LCAT: variants seen among roughly 807,000 people sequenced by gnomAD.
LCAT encodes the protein phosphatidylcholine-sterol acyltransferase.
In LCAT, 15 loss-of-function variants were observed where a neutral mutation model predicts 41.0. The observed-to-expected ratio is 0.37, with a 90% confidence interval of 0.24 to 0.56. The LOEUF (loss-of-function observed/expected upper bound fraction) is 0.56, where lower values mean the gene tolerates loss of function less well. LCAT is among the 20% of genes least tolerant of loss of function. The pLI is 0.81. For missense variants in LCAT, 449 were observed against 595.1 expected, an observed-to-expected ratio of 0.75 and a Z score of 2.55; for synonymous variants, 248 against 245.4, an observed-to-expected ratio of 1.01 and a Z score of -0.10.
At position 67,939,979 on chromosome 16, in the gene LCAT, G is replaced by A. The variant is rs1469855048; in HGVS notation, c.1248C>T (p.Ala416=). Residue 416 remains alanine (A), a synonymous_variant, in exon 6 of 6, where the codon GCC becomes GCT. Coordinates refer to ENST00000264005, the MANE Select transcript of LCAT (RefSeq NM_000229.2). The part of the protein sequence containing the change: ...FSNLTLEHIN[A]ILLGAYRQGP... ...CCTGGCGGTAGGCACCCAGCAGGAT[G>A]GCATTGATGTGCTCCAGGGTCAGGT... 1.2e-6 allele frequency: 2 copies of A among 1,613,612 alleles called. No homozygotes were observed. The highest frequency in any genetic ancestry group is 8.5e-7 in the Non-Finnish European group (1 of 1,180,040).
In LCAT at chr16:67,943,814, C is replaced by A; in HGVS notation, c.154+134G>T. 1 of 842,762 alleles carries A rather than the reference C, an allele frequency of 1.2e-6. No homozygotes were observed. The allele number at this position is 842,762 out of a possible 1,614,324, so 52.2% of individuals were successfully genotyped here. A position where few individuals can be genotyped will look rare whatever the true frequency, so the allele number is the denominator to read the frequency against. On this transcript the variant is annotated intron_variant, in intron 1 of 5. Transcript: ENST00000264005. The surrounding 1 kb of genome is among the most constrained non-coding windows in gnomAD (Gnocchi z 4.6). ...TCTAAGGGACAAGCTTTTGGCCCCTCCCCACACCAGGGCAGGTACTTATGT... is the reference window on the plus strand; with the variant it reads ...TCTAAGGGACAAGCTTTTGGCCCCTACCCACACCAGGGCAGGTACTTATGT...
Position 67,943,794 on chromosome 16 carries a change from G to C in LCAT, c.154+154C>G, listed in dbSNP as rs1861683817. 1.1e-5 allele frequency: 8 copies of C among 703,334 alleles called. No individual in the cohort carries two copies. Among genetic ancestry groups the C allele is most frequent in the Non-Finnish European group, 1.9e-5 (8 of 428,198 alleles). The allele number at this position is 703,334 out of a possible 1,614,324, so 43.6% of individuals were successfully genotyped here. A position where few individuals can be genotyped will look rare whatever the true frequency, so the allele number is the denominator to read the frequency against. On this transcript the variant is annotated intron_variant, in intron 1 of 5. Transcript: ENST00000264005. This position sits in a 1 kb window ranked among gnomAD's most constrained non-coding sequence, Gnocchi z 4.6. ...GGGAGAAGGGACGTCATTCCTCTAA[G>C]GGACAAGCTTTTGGCCCCTCCCCAC...
chr16:67,942,484 T>C lies in LCAT; in HGVS notation c.627A>G (p.Leu209=), dbSNP rs773180994. The C allele has an allele frequency of 5.8e-5, 93 of 1,613,616 alleles. No individual in the cohort carries two copies. The highest frequency in any genetic ancestry group is 7.6e-5 in the Non-Finnish European group (90 of 1,180,000). ...VFLIGHSLGC[L]HLLYFLLRQP... ...GGCGCAGCAGGAAATAGAGCAAGTG[T>C]AGACAGCCGAGGCTGTGGCCAATGA... Residue 209 remains leucine (L), a synonymous_variant, in exon 5 of 6, where the codon CTA becomes CTG. Transcript: ENST00000264005. The surrounding 1 kb of genome is among the most constrained non-coding windows in gnomAD (Gnocchi z 6.6).
In LCAT at chr16:67,943,915, G is replaced by T. The variant is rs1417185126; in HGVS notation, c.154+33C>A. The T allele has an allele frequency of 1.3e-6, 2 of 1,526,864 alleles. No individual in the cohort carries two copies. Among genetic ancestry groups the T allele is most frequent in the African/African-American group, 2.7e-5 (2 of 72,774 alleles). The allele number at this position is 1,526,864 out of a possible 1,614,324, so 94.6% of individuals were successfully genotyped here. ...TGGGGCCCAGGCTCCCCAGGGTCTGGCGTGGTGCATCAGGGGCCTGGTGGG... is the reference window on the plus strand; with the variant it reads ...TGGGGCCCAGGCTCCCCAGGGTCTGTCGTGGTGCATCAGGGGCCTGGTGGG... On this transcript the variant is annotated intron_variant, in intron 1 of 5. Transcript: ENST00000264005. This position sits in a 1 kb window ranked among gnomAD's most constrained non-coding sequence, Gnocchi z 4.6.
At position 67,942,053 on chromosome 16, in the gene LCAT, G is replaced by A. The variant is rs4783549; in HGVS notation, c.748+310C>T. 19 of 1,283,020 alleles carry A rather than the reference G, an allele frequency of 1.5e-5. No individual in the cohort carries two copies. The highest frequency in any genetic ancestry group is 6.4e-4 in the Middle Eastern group (2 of 3,108). 79.5% of individuals were successfully genotyped at this position (1,283,020 alleles called of 1,614,324 possible). A position where few individuals can be genotyped will look rare whatever the true frequency, so the allele number is the denominator to read the frequency against. On this transcript the variant is annotated intron_variant, in intron 5 of 5. Coordinates refer to ENST00000264005, the MANE Select transcript of LCAT (RefSeq NM_000229.2). The surrounding 1 kb of genome is among the most constrained non-coding windows in gnomAD (Gnocchi z 6.6). ...TGGGCAAAGGCACTCCTGCGAGCAA[G>A]TGGAAGGCAGGCAAGGGCTGGGCAG...
rs1416505047 is a variant in LCAT, at chr16:67,942,803, T to C, written c.428-37A>G. ...CCAGCAGCACCGGGGGCTTGGGCCA[T>C]GCCTGCTGTGGGCCAGCACCCAGGC... On this transcript the variant is annotated intron_variant, in intron 3 of 5. Transcript: ENST00000264005. The surrounding 1 kb of genome is among the most constrained non-coding windows in gnomAD (Gnocchi z 6.6). The C allele has an allele frequency of 1.2e-6, 2 of 1,612,178 alleles. No homozygotes were observed. The highest frequency in any genetic ancestry group is 1.7e-5 in the Admixed American group (1 of 60,026).
At position 67,944,111 on chromosome 16, in the gene LCAT, G is replaced by C. The variant is rs2058314522; in HGVS notation, c.-10C>G. 1 of 1,546,862 alleles carries C rather than the reference G, an allele frequency of 6.5e-7. No individual in the cohort carries two copies. The highest frequency in any genetic ancestry group is 8.7e-7 in the Non-Finnish European group (1 of 1,145,612). On this transcript the variant is annotated 5_prime_UTR_variant, in exon 1 of 6. Coordinates refer to ENST00000264005, the MANE Select transcript of LCAT (RefSeq NM_000229.2). The surrounding 1 kb of genome is among the most constrained non-coding windows in gnomAD (Gnocchi z 6.6). ...AGCCGGGCGGCCCCATTCCAGCCCTGGTGCCTACTGCCAGAGAAAGCGGCA... is the reference window on the plus strand; with the variant it reads ...AGCCGGGCGGCCCCATTCCAGCCCTCGTGCCTACTGCCAGAGAAAGCGGCA...
Position 67,942,922 on chromosome 16 carries a change from G to C in LCAT, c.366C>G (p.Ile122Met). 7 of 1,613,932 alleles carry C rather than the reference G, an allele frequency of 4.3e-6. No homozygotes were observed. Among genetic ancestry groups the C allele is most frequent in the Non-Finnish European group, 5.9e-6 (7 of 1,179,974 alleles). Residue 122 changes from isoleucine to methionine, a missense_variant, in exon 3 of 6, where the codon ATC becomes ATG. Coordinates refer to ENST00000264005, the MANE Select transcript of LCAT (RefSeq NM_000229.2). The surrounding 1 kb of genome is among the most constrained non-coding windows in gnomAD (Gnocchi z 6.6). ...GLVSNAPGVQIRVPGFGKTYS... is the reference protein window; with the variant it reads ...GLVSNAPGVQMRVPGFGKTYS... ...AGGTCTTGCCAAAGCCAGGGACGCGGATCTGGACACCAGGGGCGTTGGACA... is the reference window on the plus strand; with the variant it reads ...AGGTCTTGCCAAAGCCAGGGACGCGCATCTGGACACCAGGGGCGTTGGACA...
In LCAT at chr16:67,943,335, AAGCACACTT is replaced by A. The variant is rs1305614870; in HGVS notation, c.155-132_155-124del. 25 of 851,440 alleles carry A rather than the reference AAGCACACTT, an allele frequency of 2.9e-5. No individual in the cohort carries two copies. The highest frequency in any genetic ancestry group is 4.7e-5 in the Non-Finnish European group (25 of 532,362). 52.7% of individuals were successfully genotyped at this position (851,440 alleles called of 1,614,324 possible). A position where few individuals can be genotyped will look rare whatever the true frequency, so the allele number is the denominator to read the frequency against. ...CCCATACCCTCAACCCCCAGGTACAAAGCACACTTACCCTCCCCTGCTTACACCCCCTCT... is the reference window on the plus strand; with the variant it reads ...CCCATACCCTCAACCCCCAGGTACAAACCCTCCCCTGCTTACACCCCCTCT... On this transcript the variant is annotated intron_variant, in intron 1 of 5. Coordinates refer to ENST00000264005, the MANE Select transcript of LCAT (RefSeq NM_000229.2). This position sits in a 1 kb window ranked among gnomAD's most constrained non-coding sequence, Gnocchi z 4.6.
rs1176686538 is a variant in LCAT, at chr16:67,942,668, C to A, written c.523+3G>T. 1 of 1,612,834 alleles carries A rather than the reference C, an allele frequency of 6.2e-7. No homozygotes were observed. Among genetic ancestry groups the A allele is most frequent in the Admixed American group, 1.7e-5 (1 of 60,020 alleles). Reference sequence around the variant, plus strand: ...CAAGCCGGTCATCCGCAGAGACACTCACCGGGCTCCAGCCGCCAGTCATAG... The same window carrying A: ...CAAGCCGGTCATCCGCAGAGACACTAACCGGGCTCCAGCCGCCAGTCATAG... On this transcript the variant is annotated splice_donor_region_variant and intron_variant, in intron 4 of 5. Coordinates refer to ENST00000264005, the MANE Select transcript of LCAT (RefSeq NM_000229.2). The surrounding 1 kb of genome is among the most constrained non-coding windows in gnomAD (Gnocchi z 6.6).
At position 67,944,036 on chromosome 16, in the gene LCAT, G is replaced by A. The variant is rs910206058; in HGVS notation, c.66C>T (p.Ala22=). The A allele has an allele frequency of 2.3e-5, 35 of 1,547,538 alleles. No homozygotes were observed. The highest frequency in any genetic ancestry group is 1.2e-4 in the African/African-American group (9 of 72,936). Residue 22 remains alanine, a synonymous_variant, in exon 1 of 6, where the codon GCC becomes GCT. Coordinates refer to ENST00000264005, the MANE Select transcript of LCAT (RefSeq NM_000229.2). The surrounding 1 kb of genome is among the most constrained non-coding windows in gnomAD (Gnocchi z 6.6). The part of the protein sequence containing the change: ...TLLLGLLLPP[A]APFWLLNVLF... Reference sequence around the variant, plus strand: ...GCACATTGAGGAGCCAGAAGGGGGCGGCAGGAGGGAGCAGCAGCCCCAGCA... The same window carrying A: ...GCACATTGAGGAGCCAGAAGGGGGCAGCAGGAGGGAGCAGCAGCCCCAGCA...
In LCAT at chr16:67,942,789, G is replaced by C. The variant is rs13306496; in HGVS notation, c.428-23C>G. On this transcript the variant is annotated intron_variant, in intron 3 of 5. Coordinates refer to ENST00000264005, the MANE Select transcript of LCAT (RefSeq NM_000229.2). This position sits in a 1 kb window ranked among gnomAD's most constrained non-coding sequence, Gnocchi z 6.6. ...ACCCTGTGGGGGGACCAGCAGCACCGGGGGCTTGGGCCATGCCTGCTGTGG... is the reference window on the plus strand; with the variant it reads ...ACCCTGTGGGGGGACCAGCAGCACCCGGGGCTTGGGCCATGCCTGCTGTGG... The C allele has an allele frequency of 6.2e-7, 1 of 1,612,030 alleles. No homozygotes were observed. The highest frequency in any genetic ancestry group is 8.5e-7 in the Non-Finnish European group (1 of 1,179,254).
At position 67,942,883 on chromosome 16, in the gene LCAT, G is replaced by C. The variant is rs1231577814; in HGVS notation, c.405C>G (p.Tyr135Ter). ...AACCTGCCAGCTTGCTGCTGTCCAG[G>C]TACTCCACAGAGTAGGTCTTGCCAA... Reference protein sequence around the residue: ...PGFGKTYSVEYLDSSKLAGYL... With the variant: ...PGFGKTYSVE Residue 135 changes from tyrosine to a stop codon, truncating the protein, a stop_gained, in exon 3 of 6, where the codon TAC becomes TAG. Transcript: ENST00000264005. LOFTEE classifies it high-confidence loss of function. The surrounding 1 kb of genome is among the most constrained non-coding windows in gnomAD (Gnocchi z 6.6). 6.2e-7 allele frequency: 1 copy of C among 1,613,746 alleles called. No individual in the cohort carries two copies. Among genetic ancestry groups the C allele is most frequent in the Admixed American group, 1.7e-5 (1 of 60,022 alleles).
At position 67,943,247 on chromosome 16, in the gene LCAT, T is replaced by A; in HGVS notation, c.155-35A>T. 1 of 1,608,692 alleles carries A rather than the reference T, an allele frequency of 6.2e-7. No individual in the cohort carries two copies. Among genetic ancestry groups the A allele is most frequent in the Non-Finnish European group, 8.5e-7 (1 of 1,178,660 alleles). Reference sequence around the variant, plus strand: ...GCAGCCCTCACTCTGGACTCTGGATTCCCCCCGTGACCCTTACCCCCGTCA... The same window carrying A: ...GCAGCCCTCACTCTGGACTCTGGATACCCCCCGTGACCCTTACCCCCGTCA... On this transcript the variant is annotated intron_variant, in intron 1 of 5. Coordinates refer to ENST00000264005, the MANE Select transcript of LCAT (RefSeq NM_000229.2). The surrounding 1 kb of genome is among the most constrained non-coding windows in gnomAD (Gnocchi z 4.6).
rs117817502 is a variant in LCAT, at chr16:67,943,825, G to A, written c.154+123C>T. The A allele has an allele frequency of 3.9e-3, 3,569 of 923,806 alleles. 6 individuals are homozygous for A. The highest frequency in any genetic ancestry group is 5.0e-3 in the Non-Finnish European group (3,090 of 621,180). The allele number at this position is 923,806 out of a possible 1,614,324, so 57.2% of individuals were successfully genotyped here. On this transcript the variant is annotated intron_variant, in intron 1 of 5. Transcript: ENST00000264005. This position sits in a 1 kb window ranked among gnomAD's most constrained non-coding sequence, Gnocchi z 4.6. Reference sequence around the variant, plus strand: ...AGCTTTTGGCCCCTCCCCACACCAGGGCAGGTACTTATGTCGGGGCTTATG... The same window carrying A: ...AGCTTTTGGCCCCTCCCCACACCAGAGCAGGTACTTATGTCGGGGCTTATG...
At position 67,939,791 on chromosome 16, in the gene LCAT, G is replaced by A; in HGVS notation, c.*113C>T. ...TCAGCAGAGCCCATCTTGCCTCACT[G>A]CACACAGCACTGAGCCTGTGGCTGG... is the stretch of plus-strand genomic sequence containing the variant. On this transcript the variant is annotated 3_prime_UTR_variant, in exon 6 of 6. Transcript: ENST00000264005. The A allele has an allele frequency of 1.3e-6, 2 of 1,526,630 alleles. No homozygotes were observed. Among genetic ancestry groups the A allele is most frequent in the Non-Finnish European group, 1.8e-6 (2 of 1,131,978 alleles). 94.6% of individuals were successfully genotyped at this position (1,526,630 alleles called of 1,614,324 possible). A position where few individuals can be genotyped will look rare whatever the true frequency, so the allele number is the denominator to read the frequency against.
Position 67,940,096 on chromosome 16 carries a change from G to A in LCAT, c.1131C>T (p.Thr377=), listed in dbSNP as rs545182216. 8 of 1,613,160 alleles carry A rather than the reference G, an allele frequency of 5.0e-6. No individual in the cohort carries two copies. Among genetic ancestry groups the A allele is most frequent in the African/African-American group, 1.3e-5 (1 of 75,050 alleles). Residue 377 remains threonine, a synonymous_variant, in exon 6 of 6, where the codon ACC becomes ACT. Transcript: ENST00000264005. ...DGDDTVATRS[T]ELCGLWQGRQ... Reference sequence around the variant, plus strand: ...GGCCCTGCCACAGGCCACAGAGCTCGGTGCTGCGGGTCGCCACCGTGTCAT... The same window carrying A: ...GGCCCTGCCACAGGCCACAGAGCTCAGTGCTGCGGGTCGCCACCGTGTCAT...
Position 67,943,840 on chromosome 16 carries a change from C to T in LCAT, c.154+108G>A, listed in dbSNP as rs1053495903. 42 of 1,083,590 alleles carry T rather than the reference C, an allele frequency of 3.9e-5. No individual in the cohort carries two copies. Among genetic ancestry groups the T allele is most frequent in the Non-Finnish European group, 5.1e-5 (39 of 765,146 alleles). 67.1% of individuals were successfully genotyped at this position (1,083,590 alleles called of 1,614,324 possible). On this transcript the variant is annotated intron_variant, in intron 1 of 5. Coordinates refer to ENST00000264005, the MANE Select transcript of LCAT (RefSeq NM_000229.2). This position sits in a 1 kb window ranked among gnomAD's most constrained non-coding sequence, Gnocchi z 4.6. ...CCCACACCAGGGCAGGTACTTATGT[C>T]GGGGCTTATGCAGGGCAGAAGGGCT... is the stretch of plus-strand genomic sequence containing the variant.
Position 67,943,958 on chromosome 16 carries a change from G to T in LCAT, c.144C>A (p.Pro48=). Reference sequence around the variant, plus strand: ...CTGGTGGGGGCTTACCGAGGATGACGGGCCGTGTGTGGTTACTGAGCTCAG... The same window carrying T: ...CTGGTGGGGGCTTACCGAGGATGACTGGCCGTGTGTGGTTACTGAGCTCAG... ...PKAELSNHTR[P]VILVPGCLGN... is the part of the protein sequence containing the mutation. Residue 48 remains proline, a synonymous_variant, in exon 1 of 6, where the codon CCC becomes CCA. Coordinates refer to ENST00000264005, the MANE Select transcript of LCAT (RefSeq NM_000229.2). The surrounding 1 kb of genome is among the most constrained non-coding windows in gnomAD (Gnocchi z 4.6). The T allele has an allele frequency of 6.5e-7, 1 of 1,547,016 alleles. No homozygotes were observed. Among genetic ancestry groups the T allele is most frequent in the Non-Finnish European group, 8.7e-7 (1 of 1,144,704 alleles).
Sources: allele counts gnomAD v4.1 joint callset, GRCh38; gene constraint gnomAD v4.1.1; non-coding constraint Gnocchi (gnomAD v3.1); transcripts MANE v1.5; gene names NCBI Gene and HGNC (gene_info 2026-07-23, HGNC 2026-07-21).